Variants in NCR3LG1 observed in about 807,000 individuals in gnomAD.
NCR3LG1 encodes natural killer cell cytotoxicity receptor 3 ligand 1.
A neutral mutation model predicts 34.8 loss-of-function variants in NCR3LG1; 35 were observed. That is an observed-to-expected ratio of 1.01 (90% CI 0.77 to 1.33). NCR3LG1 has a LOEUF of 1.33. Among genes scored for constraint, NCR3LG1 ranks in the 40% most tolerant of loss-of-function variants. NCR3LG1 has a pLI of 0.00. For synonymous variants in NCR3LG1, 173 were observed against 163.6 expected (o/e 1.06, Z -0.44); for missense variants, 452 against 423.3 (o/e 1.07, Z -0.60).
At chr11:17,367,970 C>T (rs573102267) in intron 3 of NCR3LG1, among the ~76,000 whole-genome samples, 1 of 152,214 alleles carries the variant, frequency 6.6e-6, no homozygotes, top group Non-Finnish European at 1.5e-5. Context: ...AGGCATGCAC[C>T]ACCACGCACG....
chr11:17,358,318 A>T (rs1406128992), intron 2 of NCR3LG1, among the ~76,000 whole-genome samples: 1 of 152,142 alleles, frequency 6.6e-6, no homozygotes, highest in Non-Finnish European at 1.5e-5. Flanking sequence ...TTTTGCTGTG[A>T]CAATTTCTTA....
chr11:17,370,996 C>G (rs1953399864), intron 4 of NCR3LG1, among the ~76,000 whole-genome samples: 1 of 152,168 alleles, frequency 6.6e-6, no homozygotes, highest in Admixed American at 6.5e-5. Context: ...CCTAAATTTT[C>G]ACTTAGGGCC....
At chr11:17,363,466 GT>G (rs1026077889) in intron 2 of NCR3LG1, among the ~76,000 whole-genome samples, 1 of 145,404 alleles carries the variant, frequency 6.9e-6, no homozygotes, top group Non-Finnish European at 1.5e-5. Context: ...TGTAAGGTGT[GT>G]TTTTTTTCCT....
intron 1 of NCR3LG1, among the ~76,000 whole-genome samples, chr11:17,353,484 C>T (rs1481334714): frequency 6.6e-6 from 1 of 152,160 alleles, no homozygotes; most frequent in Non-Finnish European, 1.5e-5. Flanking sequence ...GTCTGGGTCT[C>T]CTCGAGCTCG....
intron 2 of NCR3LG1, among the ~76,000 whole-genome samples, chr11:17,365,359 T>G (rs1953332741): frequency 6.6e-6 from 1 of 152,228 alleles, no homozygotes; most frequent in Non-Finnish European, 1.5e-5. Context: ...TATAATCTTC[T>G]GTTATTATAC....
At chr11:17,362,905 CCCTTCCCT>C (rs1953298002) in intron 2 of NCR3LG1, among the ~76,000 whole-genome samples, 45 of 110,782 alleles carry the variant, frequency 4.1e-4, no homozygotes, top group African/African-American at 1.6e-3. Context: ...CCCCTCCCTT[CCCTTCCCT>C]TCCCTTCCCT....
intron 2 of NCR3LG1, among the ~76,000 whole-genome samples, chr11:17,362,464 A>T (rs1294425522): frequency 6.6e-6 from 1 of 152,100 alleles, no homozygotes; most frequent in Admixed American, 6.6e-5. Context: ...TGGCAGTAGG[A>T]TAATATTGGG....
chr11:17,363,549 T>C (rs1353227379), intron 2 of NCR3LG1, among the ~76,000 whole-genome samples: 2 of 109,142 alleles, frequency 1.8e-5, no homozygotes, highest in Non-Finnish European at 3.6e-5. Flanking sequence ...CCTCCCTTCC[T>C]TCCTTCCTTC....
chr11:17,362,749 TTTCTTTCTTTCTTTCTTTCCTTCCTTCC>T (rs1953291780), intron 2 of NCR3LG1, among the ~76,000 whole-genome samples: 1 of 108,420 alleles, frequency 9.2e-6, no homozygotes, highest in African/African-American at 5.8e-5. Flanking sequence ...TCTTTCTTTC[TTTCTTTCTTTCTTTCTTTCCTTCCTTCC>T]TTCTTTCCTT....
intron 2 of NCR3LG1, among the ~76,000 whole-genome samples, chr11:17,357,811 AT>A (rs1210829083): frequency 6.6e-6 from 1 of 151,988 alleles, no homozygotes; most frequent in Admixed American, 6.6e-5. Context: ...GGCTCAAGTG[AT>A]CCCCCTGCCT....
chr11:17,354,545 CTTTTTTTTTTTTTTTTT>C (rs71047545), intron 1 of NCR3LG1, among the ~76,000 whole-genome samples: 11 of 70,294 alleles, frequency 1.6e-4, no homozygotes, highest in African/African-American at 1.9e-4. Flanking sequence ...AATTCTTCTT[CTTTTTTTTTTTTTTTTT>C]TTTTTTTTTT....
chr11:17,372,666 G>T lies in NCR3LG1; in HGVS notation c.*154G>T, dbSNP rs1953425511. 1.0e-5 allele frequency: 6 copies of T among 575,162 alleles called. No homozygotes were observed. The highest frequency in any genetic ancestry group is 1.5e-5 in the Non-Finnish European group (5 of 324,580). The allele number at this position is 575,162 out of a possible 1,614,324, so 35.6% of individuals were successfully genotyped here. On this transcript the variant is annotated 3_prime_UTR_variant, in exon 5 of 5. Coordinates refer to ENST00000338965, the MANE Select transcript of NCR3LG1 (RefSeq NM_001202439.3). ...ACTCAGGTGTTTGACCTTACTTGGG[G>T]TGATGTTATGTTGCTCTTAAACTCT...
At chr11:17,365,067 T>G (rs746969208) in intron 2 of NCR3LG1, among the ~76,000 whole-genome samples, 75 of 152,356 alleles carry the variant, frequency 4.9e-4, no homozygotes, top group Middle Eastern at 3.4e-3. Flanking sequence ...TTCTAAAATC[T>G]GTGTCATACC....
intron 1 of NCR3LG1, among the ~76,000 whole-genome samples, chr11:17,355,311 C>G (rs1234976787): frequency 6.6e-6 from 1 of 151,866 alleles, no homozygotes; most frequent in Non-Finnish European, 1.5e-5. Context: ...ACAGGAGGAT[C>G]ACTTGAGCCC....
chr11:17,355,420 C>CAA (rs35195188), intron 1 of NCR3LG1, among the ~76,000 whole-genome samples: 175 of 144,460 alleles, frequency 1.2e-3, no homozygotes, highest in African/African-American at 3.1e-3. Context: ...AGGAAAACAT[C>CAA]AAAAAAAAAA....
rs59039794 is a variant in NCR3LG1, at chr11:17,367,821, C to CTT, written c.760+487_760+488dup. The stretch of plus-strand genomic sequence containing the variant: ...GTAGAGGCTGACTCAGTAGTCTTGT[C>CTT]TTTTTTTTTTTTTTGAGATGGAGTT... On this transcript the variant is annotated intron_variant, in intron 3 of 4. Coordinates refer to ENST00000338965, the MANE Select transcript of NCR3LG1 (RefSeq NM_001202439.3). 6.3e-3 allele frequency among the ~76,000 whole-genome samples: 878 copies of CTT among 140,016 alleles called. 15 individuals carry two copies. Among genetic ancestry groups the CTT allele is most frequent in the African/African-American group, 0.021 (802 of 37,376 alleles). The allele number at this position is 140,016 out of a possible 152,430, so 91.9% of individuals were successfully genotyped here.
chr11:17,380,697 C>T (rs954043283), downstream of NCR3LG1: 22 of 152,092 alleles, frequency 1.4e-4, no homozygotes, highest in African/African-American at 4.8e-4. Context: ...GCTGTATTGT[C>T]CAGGCTGGTC....
intron 2 of NCR3LG1, among the ~76,000 whole-genome samples, chr11:17,362,867 C>CCTCCCCTCCCCTCCG (rs1953296567): frequency 1.0e-5 from 1 of 99,872 alleles, no homozygotes; most frequent in Non-Finnish European, 2.0e-5. Flanking sequence ...TTCTTTCTCC[C>CCTCCCCTCCCCTCCG]CTCCCCTCCC....
At chr11:17,353,929 C>G (rs915165866) in intron 1 of NCR3LG1, among the ~76,000 whole-genome samples, 82 of 152,242 alleles carry the variant, frequency 5.4e-4, no homozygotes, top group African/African-American at 1.9e-3. Flanking sequence ...GATGGAGCAT[C>G]TGTTTGCCTG....
Sources: allele counts gnomAD v4.1 joint callset (sites outside exome capture counted in the v4.1 genomes callset), GRCh38; gene constraint gnomAD v4.1.1; transcripts MANE v1.5; gene names NCBI Gene and HGNC (gene_info 2026-07-23, HGNC 2026-07-21).